Variants in AUTS2 observed in about 807,000 individuals in gnomAD.
The protein encoded by AUTS2 is activator of transcription and developmental regulator AUTS2.
In AUTS2, 17 loss-of-function variants were observed where a neutral mutation model predicts 112.4. The ratio of observed to expected loss-of-function variants is 0.15; its 90% CI spans 0.10 to 0.23. AUTS2 has a LOEUF of 0.23. Ranked by LOEUF, AUTS2 falls within the 10% of genes least tolerant of loss-of-function variation. The probability of loss-of-function intolerance (pLI) is 1.00; values close to 1 mark genes in which losing one functional copy is unlikely to be tolerated. For synonymous variants in AUTS2, 751 were observed against 702.7 expected (o/e 1.07, Z -1.09); for missense variants, 1,510 against 1,701.6 (o/e 0.89, Z 1.98).
intron 2 of AUTS2, among the ~76,000 whole-genome samples, chr7:69,959,608 C>T (rs1797351107): frequency 6.6e-6 from 1 of 152,132 alleles, no homozygotes. Context: ...TGACCTTCCA[C>T]ATCATACTGT....
intron 6 of AUTS2, among the ~76,000 whole-genome samples, chr7:70,751,866 G>A (rs28548521): frequency 0.12 from 18,531 of 151,602 alleles, 1,255 homozygotes; most frequent in East Asian, 0.24. Context: ...GATTGCAGGC[G>A]CGTGACACCA....
At chr7:70,073,797 C>T (rs529862298) in intron 2 of AUTS2, among the ~76,000 whole-genome samples, 1 of 152,188 alleles carries the variant, frequency 6.6e-6, no homozygotes, top group Admixed American at 6.5e-5. Context: ...AACTAAGGGC[C>T]CACAAAGGCA....
intron 5 of AUTS2, among the ~76,000 whole-genome samples, chr7:70,481,737 G>A: frequency 6.6e-6 from 1 of 152,164 alleles, no homozygotes; most frequent in Non-Finnish European, 1.5e-5. Context: ...TTAAGTGTTT[G>A]GGGTCCTATC....
chr7:70,323,383 G>A (rs751986598), intron 4 of AUTS2, among the ~76,000 whole-genome samples: 1 of 152,120 alleles, frequency 6.6e-6, no homozygotes, highest in Admixed American at 6.5e-5. Flanking sequence ...CCCAGTGTAC[G>A]CCTTGTCACC....
chr7:69,862,865 G>A (rs79788990), intron 1 of AUTS2, among the ~76,000 whole-genome samples: 3,174 of 152,214 alleles, frequency 0.021, 110 homozygotes, highest in African/African-American at 0.07. Context: ...AGTGAAAGCT[G>A]GAGGCTGATA....
intron 5 of AUTS2, among the ~76,000 whole-genome samples, chr7:70,519,011 T>C (rs774746408): frequency 1.2e-4 from 18 of 152,144 alleles, no homozygotes; most frequent in Admixed American, 7.9e-4. Context: ...GCCAATAATA[T>C]GTACCTCTTT....
At chr7:70,668,875 C>T (rs978336493) in intron 5 of AUTS2, among the ~76,000 whole-genome samples, 9 of 152,164 alleles carry the variant, frequency 5.9e-5, no homozygotes, top group East Asian at 1.9e-4. Context: ...CAGTAAGGCA[C>T]GCTTCCCTGG....
chr7:70,586,132 G>C (rs1038692967), intron 5 of AUTS2, among the ~76,000 whole-genome samples: 6 of 152,166 alleles, frequency 3.9e-5, no homozygotes, highest in African/African-American at 1.4e-4. Context: ...CAAAGTGCTG[G>C]GATTACAGGC....
chr7:69,722,407 C>T (rs1357099506), intron 1 of AUTS2, among the ~76,000 whole-genome samples: 2 of 146,168 alleles, frequency 1.4e-5, no homozygotes, highest in Non-Finnish European at 3.0e-5. Flanking sequence ...GACCAAGTCT[C>T]GCTTTGTCAC....
intron 2 of AUTS2, among the ~76,000 whole-genome samples, chr7:69,986,045 G>A (rs1349598277): frequency 2.0e-5 from 3 of 152,162 alleles, no homozygotes; most frequent in Non-Finnish European, 2.9e-5. Flanking sequence ...TTTTAGGCAT[G>A]AGCCACCGTG....
rs1485070641 is a variant in AUTS2, at chr7:69,768,729, CT to C, written c.310-130555del. On this transcript the variant is annotated intron_variant, in intron 1 of 18. Transcript: ENST00000342771. ...GCAAGGGTTCAAAAGACCTAGTTGTCTTGATTAGAGAGGAGGGGAGCTGAGG... is the reference window on the plus strand; with the variant it reads ...GCAAGGGTTCAAAAGACCTAGTTGTCTGATTAGAGAGGAGGGGAGCTGAGG... Among the ~76,000 whole-genome samples, 4 of 152,162 alleles carry C rather than the reference CT, an allele frequency of 2.6e-5. No homozygotes were observed. The East Asian group carries it at 7.7e-4, about 29-fold the overall frequency.
intron 4 of AUTS2, among the ~76,000 whole-genome samples, chr7:70,337,665 G>T (rs1791056412): frequency 6.6e-6 from 1 of 152,164 alleles, no homozygotes; most frequent in Admixed American, 6.5e-5. Flanking sequence ...ACCTTTCATG[G>T]CAGGGAAGTC....
intron 6 of AUTS2, among the ~76,000 whole-genome samples, chr7:70,737,689 G>A (rs6966199): frequency 0.1 from 15,395 of 152,050 alleles, 864 homozygotes; most frequent in East Asian, 0.24. Context: ...TTACAGCTCT[G>A]TCATTACTTT....
chr7:70,180,416 T>C (rs1252692067), intron 4 of AUTS2, among the ~76,000 whole-genome samples: 2 of 144,046 alleles, frequency 1.4e-5, no homozygotes, highest in Non-Finnish European at 3.1e-5. Context: ...TAAAATAAAA[T>C]AAACACATAC....
At chr7:70,331,481 A>G (rs957268890) in intron 4 of AUTS2, among the ~76,000 whole-genome samples, 16 of 148,898 alleles carry the variant, frequency 1.1e-4, no homozygotes, top group African/African-American at 3.4e-4. Flanking sequence ...TATTTTTGTT[A>G]ATCTTTTCAA....
At chr7:70,330,373 T>G (rs1303461709) in intron 4 of AUTS2, among the ~76,000 whole-genome samples, 1 of 152,228 alleles carries the variant, frequency 6.6e-6, no homozygotes, top group African/African-American at 2.4e-5. Context: ...CATCATCTGT[T>G]GAAAAGATTA....
intron 1 of AUTS2, among the ~76,000 whole-genome samples, chr7:69,721,650 A>G (rs975116812): frequency 3.3e-5 from 5 of 152,242 alleles, no homozygotes; most frequent in African/African-American, 1.2e-4. Flanking sequence ...AATGTATTAC[A>G]TAGTTATAGT....
At chr7:69,837,154 A>T (rs1017920306) in intron 1 of AUTS2, among the ~76,000 whole-genome samples, 1 of 152,180 alleles carries the variant, frequency 6.6e-6, no homozygotes, top group South Asian at 2.1e-4. Context: ...TCTTATTTGA[A>T]AATGAGGATA....
intron 5 of AUTS2, among the ~76,000 whole-genome samples, chr7:70,585,089 G>C (rs1802620964): frequency 6.6e-6 from 1 of 152,192 alleles, no homozygotes; most frequent in Admixed American, 6.5e-5. Context: ...GGGTGTGTTG[G>C]TAACCAGTTG....
Sources: allele counts gnomAD v4.1 joint callset (sites outside exome capture counted in the v4.1 genomes callset), GRCh38; gene constraint gnomAD v4.1.1; transcripts MANE v1.5; gene names NCBI Gene and HGNC (gene_info 2026-07-23, HGNC 2026-07-21).